Variants in VPS53 observed in about 807,000 individuals in gnomAD.
VPS53 encodes vacuolar protein sorting-associated protein 53 homolog.
In VPS53, 70 loss-of-function variants were observed where a neutral mutation model predicts 107.0. The observed-to-expected ratio is 0.65, with a 90% CI of 0.54 to 0.80. The LOEUF is 0.80. Ranked by LOEUF, VPS53 falls within the 30% of genes least tolerant of loss-of-function variation. VPS53 has a pLI of 0.00. For synonymous variants in VPS53, 409 were observed against 393.3 expected, an observed-to-expected ratio of 1.04 and a Z score of -0.47; for missense variants, 917 against 1,049.4, an observed-to-expected ratio of 0.87 and a Z score of 1.74.
chr17:540,081 C>A (rs1910502276), intron 17 of VPS53, among the ~76,000 whole-genome samples: 1 of 150,508 alleles, frequency 6.6e-6, no homozygotes, highest in Non-Finnish European at 1.5e-5. Context: ...GCCCCCGCCA[C>A]CCTGCCCAAA....
intron 11 of VPS53, among the ~76,000 whole-genome samples, chr17:610,168 CACACACACACAA>C (rs1968794751): frequency 8.7e-6 from 1 of 114,618 alleles, no homozygotes; most frequent in Admixed American, 9.9e-5. Flanking sequence ...CACACACACA[CACACACACACAA>C]ATTAGTAGAC....
At chr17:590,977 G>A (rs1790156202) in intron 12 of VPS53, among the ~76,000 whole-genome samples, 4 of 151,908 alleles carry the variant, frequency 2.6e-5, no homozygotes, top group Admixed American at 2.6e-4. Flanking sequence ...TTGTACCTCT[G>A]GTAGAATTTG....
intron 11 of VPS53, among the ~76,000 whole-genome samples, chr17:611,771 TAGTG>T (rs199899066): frequency 4.6e-5 from 7 of 151,388 alleles, no homozygotes; most frequent in South Asian, 2.1e-4. Flanking sequence ...AATATTCACA[TAGTG>T]AGTTCACACA....
intron 12 of VPS53, among the ~76,000 whole-genome samples, chr17:588,973 GTC>G (rs4024236): frequency 0.49 from 73,962 of 151,754 alleles, 18,927 homozygotes; most frequent in African/African-American, 0.64. Context: ...GATTTAATTT[GTC>G]TAACTCTATA....
At chr17:595,842 G>C (rs1297513095) in intron 12 of VPS53, among the ~76,000 whole-genome samples, 7 of 133,732 alleles carry the variant, frequency 5.2e-5, no homozygotes, top group Non-Finnish European at 1.1e-4. Flanking sequence ...AGGAAGCTGG[G>C]AGATGGGAAG....
chr17:601,698 G>C (rs1351803886), intron 12 of VPS53, 97 bp downstream of exon 12: 1 of 877,468 alleles, frequency 1.1e-6, no homozygotes, highest in African/African-American at 1.7e-5. Flanking sequence ...ATCTCTGAAC[G>C]TGGCCAAGAG....
At chr17:681,054 CAT>C (rs924836239) in intron 4 of VPS53, among the ~76,000 whole-genome samples, 367 of 152,246 alleles carry the variant, frequency 2.4e-3, no homozygotes, top group African/African-American at 8.4e-3. Flanking sequence ...AAATATATTA[CAT>C]GTTAGCATAA....
At chr17:585,073 A>T (rs535743931) in intron 13 of VPS53, among the ~76,000 whole-genome samples, 1 of 152,238 alleles carries the variant, frequency 6.6e-6, no homozygotes, top group Non-Finnish European at 1.5e-5. Flanking sequence ...TGATGAGAGC[A>T]GGATATTTAC....
intron 11 of VPS53, among the ~76,000 whole-genome samples, chr17:603,325 G>C (rs1298809712): frequency 1.3e-5 from 2 of 152,210 alleles, no homozygotes; most frequent in African/African-American, 4.8e-5. Context: ...GGGAGGCTGA[G>C]GCACAAGAAT....
In VPS53 at chr17:680,060, G is replaced by C. The variant is rs757274913; in HGVS notation, c.285+17358C>G. ...TGTAATCCCAGCACTTTGGGAGGCC[G>C]AAGTGGGTGAATCATTTCAGGTCAG... On this transcript the variant is annotated intron_variant, in intron 4 of 21. Transcript: ENST00000437048. Among the ~76,000 whole-genome samples, 4 of 152,292 alleles carry C rather than the reference G, an allele frequency of 2.6e-5. No individual in the cohort carries two copies. The East Asian group carries it at 7.7e-4, about 29-fold the overall frequency.
In VPS53 at chr17:560,367, G is replaced by A. The variant is rs557668502; in HGVS notation, c.1704+59C>T. On this transcript the variant is annotated intron_variant, in intron 15 of 21. Transcript: ENST00000437048. ...GGACGTATATTCTTACTCGCCGAGC[G>A]ACGCAGCCCAGAGGGTTCAGGAAAA... The A allele has an allele frequency of 4.3e-5, 67 of 1,551,718 alleles. No homozygotes were observed. The South Asian group carries it at 5.1e-4, about 12-fold the overall frequency.
chr17:526,319 C>G (rs1452945869), intron 19 of VPS53, among the ~76,000 whole-genome samples: 1 of 152,192 alleles, frequency 6.6e-6, no homozygotes, highest in Non-Finnish European at 1.5e-5. Flanking sequence ...AATAATTGTA[C>G]AGTCTTAAAT....
chr17:599,116 C>T (rs1487237006), intron 12 of VPS53, among the ~76,000 whole-genome samples: 8 of 142,444 alleles, frequency 5.6e-5, no homozygotes, highest in African/African-American at 1.3e-4. Context: ...CCGCCCCGTC[C>T]GGGAGGGAGG....
At chr17:673,702 T>G (rs888303169) in intron 4 of VPS53, 2 of 152,252 alleles carry the variant, frequency 1.3e-5, no homozygotes, top group Non-Finnish European at 2.9e-5. Flanking sequence ...ACCTGGAGTA[T>G]AAGAAGGCTT....
chr17:577,698 A>T (rs1200535708), intron 13 of VPS53, among the ~76,000 whole-genome samples: 1 of 151,660 alleles, frequency 6.6e-6, no homozygotes, highest in Non-Finnish European at 1.5e-5. Flanking sequence ...GCATTACCAG[A>T]GAACCTTCCT....
intron 4 of VPS53, among the ~76,000 whole-genome samples, chr17:670,551 T>C (rs1971892630): frequency 6.6e-6 from 1 of 152,220 alleles, no homozygotes; most frequent in Non-Finnish European, 1.5e-5. Context: ...TTTCCTTTTT[T>C]TGCAGAACTG....
At chr17:631,974 C>T (rs537837949) in intron 7 of VPS53, among the ~76,000 whole-genome samples, 2 of 152,202 alleles carry the variant, frequency 1.3e-5, no homozygotes, top group South Asian at 2.1e-4. Flanking sequence ...TCTAGCTGGG[C>T]GCAGTGGTTC....
intron 18 of VPS53, among the ~76,000 whole-genome samples, chr17:535,016 C>T (rs911529558): frequency 6.6e-6 from 1 of 152,104 alleles, no homozygotes; most frequent in Non-Finnish European, 1.5e-5. Flanking sequence ...GACACACGTC[C>T]TGTGGGGAAA....
At chr17:657,475 C>G in intron 5 of VPS53, 1 of 1,441,384 alleles carries the variant, frequency 6.9e-7, no homozygotes, top group East Asian at 2.3e-5. Flanking sequence ...GCAAACACAC[C>G]GGTCAATTTA....
Sources: allele counts gnomAD v4.1 joint callset (sites outside exome capture counted in the v4.1 genomes callset), GRCh38; gene constraint gnomAD v4.1.1; transcripts MANE v1.5; gene names NCBI Gene and HGNC (gene_info 2026-07-23, HGNC 2026-07-21).